The following MYLK variants were observed in gnomAD, a reference collection of about 807,000 sequenced individuals.
MYLK encodes myosin light chain kinase, also known as myosin light chain kinase, smooth muscle.
A neutral mutation model predicts 203.4 loss-of-function variants in MYLK; 106 were observed. The observed-to-expected ratio is 0.52, with a 90% CI of 0.45 to 0.61. MYLK has a LOEUF of 0.61. Among genes scored for constraint, MYLK ranks in the 20% least tolerant of loss-of-function variants. The pLI is 0.00. For synonymous variants in MYLK, 867 were observed against 959.5 expected (o/e 0.90, Z 1.78); for missense variants, 2,072 against 2,442.3 (o/e 0.85, Z 3.20).
chr3:123,716,523 C>G (rs761739965), intron 13 of MYLK: 4 of 152,132 alleles, frequency 2.6e-5, no homozygotes, highest in Non-Finnish European at 5.9e-5. Flanking sequence ...GATCTCTGAC[C>G]AGTAATGATA....
intron 18 of MYLK, among the ~76,000 whole-genome samples, chr3:123,693,803 C>T (rs1227030876): frequency 6.6e-6 from 1 of 152,338 alleles, no homozygotes; most frequent in East Asian, 1.9e-4. Context: ...AGAAGGGCAG[C>T]AGTTCCTTAT....
intron 2 of MYLK, among the ~76,000 whole-genome samples, chr3:123,850,516 T>G (rs1490717816): frequency 5.3e-5 from 8 of 152,278 alleles, no homozygotes; most frequent in East Asian, 1.9e-4. Flanking sequence ...ATTTTTTCAT[T>G]TGTCTTTTGG....
chr3:123,663,805 G>T (rs2059644764), intron 23 of MYLK, among the ~76,000 whole-genome samples: 1 of 152,172 alleles, frequency 6.6e-6, no homozygotes, highest in African/African-American at 2.4e-5. Context: ...TCTCAAATAA[G>T]CTAGATGCCA....
chr3:123,718,322 T>A (rs1041446960), intron 13 of MYLK, among the ~76,000 whole-genome samples: 4 of 152,054 alleles, frequency 2.6e-5, no homozygotes, highest in South Asian at 2.1e-4. Context: ...CATGCTCCCA[T>A]GGCAGGCCTG....
chr3:123,784,441 C>T (rs2064430813), intron 4 of MYLK, among the ~76,000 whole-genome samples: 1 of 125,626 alleles, frequency 8.0e-6, no homozygotes, highest in Admixed American at 1.0e-4. Context: ...ATACTTAAAC[C>T]TGTTATTTGA....
In MYLK at chr3:123,700,785, G is replaced by A; in HGVS notation, c.2683C>T (p.Leu895=). ...TTCCCCAGGAGGTCTCGGAAGTCCA[G>A]CTGCTCCACCTCCTGCTGGCGGATC... ...EAIRQQEVEQ[L]DFRDLLGKKV... is the part of the protein sequence containing the mutation. The change falls in exon 18 of 34, where the codon CTG becomes TTG. Residue 895 remains leucine, a synonymous_variant. Coordinates refer to ENST00000360304, the MANE Select transcript of MYLK (RefSeq NM_053025.4). 2 of 1,614,248 alleles carry A rather than the reference G, an allele frequency of 1.2e-6. No individual in the cohort carries two copies. Among genetic ancestry groups the A allele is most frequent in the Non-Finnish European group, 1.7e-6 (2 of 1,180,054 alleles).
At position 123,806,223 on chromosome 3, in the gene MYLK, G is replaced by A. The variant is rs566198587; in HGVS notation, c.-3-12379C>T. Reference sequence around the variant, plus strand: ...CTGAAAAATGGCTGGATTGCAGAATGTCAGCGATGAAAGAGAACCTAAATC... The same window carrying A: ...CTGAAAAATGGCTGGATTGCAGAATATCAGCGATGAAAGAGAACCTAAATC... On this transcript the variant is annotated intron_variant, in intron 3 of 33. Transcript: ENST00000360304. Among the ~76,000 whole-genome samples the A allele has an allele frequency of 3.0e-4, 46 of 152,332 alleles. 1 individual carries two copies. Among genetic ancestry groups the A allele is most frequent in the Non-Finnish European group, 6.8e-4 (46 of 68,030 alleles).
intron 19 of MYLK, among the ~76,000 whole-genome samples, chr3:123,690,256 TG>T (rs1244289455): frequency 5.9e-5 from 9 of 152,238 alleles, no homozygotes; most frequent in Non-Finnish European, 4.4e-5. Flanking sequence ...ACACAATGGC[TG>T]GGCTTGAAAA....
chr3:123,859,199 C>T (rs2031680114), intron 2 of MYLK, among the ~76,000 whole-genome samples: 1 of 152,196 alleles, frequency 6.6e-6, no homozygotes, highest in Non-Finnish European at 1.5e-5. Context: ...TTCCATTCTA[C>T]ACTAAAAAGA....
intron 3 of MYLK, among the ~76,000 whole-genome samples, chr3:123,797,590 G>A (rs182351681): frequency 1.4e-4 from 19 of 137,060 alleles, no homozygotes; most frequent in Middle Eastern, 3.5e-3. Flanking sequence ...AGCCAGGACC[G>A]GGTAGAGACT....
chr3:123,700,992 C>A lies in MYLK; in HGVS notation c.2476G>T (p.Ala826Ser). The change falls in exon 18 of 34, where the codon GCC (alanine) becomes TCC (serine). Residue 826 changes from alanine to serine, a missense_variant. Physicochemically the swap from Ala to Ser is moderately conservative, Grantham distance 99 (BLOSUM62 1). Transcript: ENST00000360304. Reference protein sequence around the residue: ...ARALPRGREPASCEDLCGGGV... With the variant: ...ARALPRGREPSSCEDLCGGGV... The stretch of plus-strand genomic sequence containing the variant: ...CCACCACAGAGGTCCTCGCAGCTGG[C>A]AGGCTCCCTCCCCCTGCAACCAGTG... The A allele has an allele frequency of 6.2e-7, 1 of 1,605,210 alleles. No homozygotes were observed. Among genetic ancestry groups the A allele is most frequent in the Middle Eastern group, 1.7e-4 (1 of 6,058 alleles).
intron 3 of MYLK, among the ~76,000 whole-genome samples, chr3:123,817,956 G>C (rs1239265833): frequency 6.6e-6 from 1 of 152,156 alleles, no homozygotes; most frequent in Non-Finnish European, 1.5e-5. Context: ...AGCTCTCTTA[G>C]GAAAGGTCTA....
chr3:123,694,573 G>T (rs2060828804), intron 18 of MYLK, among the ~76,000 whole-genome samples: 1 of 152,170 alleles, frequency 6.6e-6, no homozygotes, highest in African/African-American at 2.4e-5. Context: ...AAGGCTTTGG[G>T]AACAGATATC....
chr3:123,712,085 G>A (rs770185229), intron 13 of MYLK, among the ~76,000 whole-genome samples: 3 of 152,190 alleles, frequency 2.0e-5, no homozygotes, highest in East Asian at 1.9e-4. Context: ...AACCCCCCAC[G>A]GTCCCCTTGG....
chr3:123,740,105 T>A lies in MYLK; in HGVS notation c.374-104A>T, dbSNP rs1182629372. The stretch of plus-strand genomic sequence containing the variant: ...GTGGGTGGGATAGTGATGGTGATCA[T>A]TAATCTTGACTGAGCATGGGCTGTG... On this transcript the variant is annotated intron_variant, in intron 5 of 33. Transcript: ENST00000360304. 2.7e-6 allele frequency: 3 copies of A among 1,127,470 alleles called. No individual in the cohort carries two copies. In the East Asian group the frequency reaches 7.0e-5, roughly 26 times the overall value. 69.8% of individuals were successfully genotyped at this position (1,127,470 alleles called of 1,614,324 possible). A position where few individuals can be genotyped will look rare whatever the true frequency, so the allele number is the denominator to read the frequency against.
At position 123,619,753 on chromosome 3, in the gene MYLK, T is replaced by C. The variant is rs2057739757; in HGVS notation, c.5368+454A>G. ...GCATCATGAACAATGCCAAAGAATGTGGACCATATGAGTTAATTTTTATTT... is the reference window on the plus strand; with the variant it reads ...GCATCATGAACAATGCCAAAGAATGCGGACCATATGAGTTAATTTTTATTT... On this transcript the variant is annotated intron_variant, in intron 32 of 33. Coordinates refer to ENST00000360304, the MANE Select transcript of MYLK (RefSeq NM_053025.4). 2.6e-5 allele frequency among the ~76,000 whole-genome samples: 4 copies of C among 152,210 alleles called. No homozygotes were observed. The South Asian group carries it at 6.2e-4, about 24-fold the overall frequency.
intron 17 of MYLK, 64 bp from the exon 18 acceptor site, chr3:123,701,069 T>C: frequency 6.3e-7 from 1 of 1,582,590 alleles, no homozygotes; most frequent in Non-Finnish European, 8.5e-7. Context: ...AGAAAGAAAC[T>C]TCAGGGGAGA....
At chr3:123,735,062 G>A in intron 9 of MYLK, 1 of 378,246 alleles carries the variant, frequency 2.6e-6, no homozygotes, top group Non-Finnish European at 5.1e-6. Context: ...GTCTGGGCTG[G>A]ATGAGTGAAC....
At chr3:123,813,483 G>A (rs114949500) in intron 3 of MYLK, among the ~76,000 whole-genome samples, 1,549 of 151,710 alleles carry the variant, frequency 0.01, 32 homozygotes, top group African/African-American at 0.035. Context: ...CCACCTCTGC[G>A]TCAGGGAATC....
Sources: allele counts gnomAD v4.1 joint callset (sites outside exome capture counted in the v4.1 genomes callset), GRCh38; gene constraint gnomAD v4.1.1; transcripts MANE v1.5; gene names NCBI Gene and HGNC (gene_info 2026-07-23, HGNC 2026-07-21).